Variants in SFRP2 observed in about 807,000 individuals in gnomAD.
SFRP2 encodes the protein secreted frizzled related protein 2, also known as secreted frizzled-related protein 2.
A neutral mutation model predicts 26.0 loss-of-function variants in SFRP2; 16 were observed. That is an observed-to-expected ratio of 0.61 (90% CI 0.42 to 0.93). The LOEUF is 0.93. Among genes scored for constraint, SFRP2 ranks in the 40% least tolerant of loss-of-function variants. SFRP2 has a pLI of 0.00. For synonymous variants in SFRP2, 173 were observed against 167.3 expected (o/e 1.03, Z -0.26); for missense variants, 343 against 392.4 (o/e 0.87, Z 1.06).
chr4:153,789,015 G>T lies in SFRP2; in HGVS notation c.-180C>A. 1.5e-6 allele frequency: 1 copy of T among 673,608 alleles called. No individual in the cohort carries two copies. The highest frequency in any genetic ancestry group is 1.9e-5 in the African/African-American group (1 of 51,654). 41.7% of individuals were successfully genotyped at this position (673,608 alleles called of 1,614,324 possible). On this transcript the variant is annotated 5_prime_UTR_variant, in exon 1 of 3. Transcript: ENST00000274063. ...ACACCGGGAGGACAGCGCGGGCGAG[G>T]CGCTGCAAGCCCGCGCGCAGCTCCG...
chr4:153,785,380 G>C (rs573892780), intron 2 of SFRP2, among the ~76,000 whole-genome samples: 1 of 151,782 alleles, frequency 6.6e-6, no homozygotes, highest in Non-Finnish European at 1.5e-5. Context: ...TTCACTAATG[G>C]TAGAACACAG....
rs1202416094 is a variant in SFRP2, at chr4:153,780,789, T to C, written c.*662A>G. ...AGGCTTAAAGTACTCAAGTCAATTA[T>C]AAAATTTATATCTTTTGCCTTTTAC... is the stretch of plus-strand genomic sequence containing the variant. On this transcript the variant is annotated 3_prime_UTR_variant, in exon 3 of 3. Coordinates refer to ENST00000274063, the MANE Select transcript of SFRP2 (RefSeq NM_003013.3). 1 of 152,620 alleles carries C rather than the reference T, an allele frequency of 6.6e-6. No individual in the cohort carries two copies. The highest frequency in any genetic ancestry group is 1.5e-5 in the Non-Finnish European group (1 of 68,048). 9.5% of individuals were successfully genotyped at this position (152,620 alleles called of 1,614,324 possible).
intron 2 of SFRP2, among the ~76,000 whole-genome samples, chr4:153,784,759 G>T (rs959112192): frequency 6.6e-6 from 1 of 152,246 alleles, no homozygotes; most frequent in African/African-American, 2.4e-5. Flanking sequence ...TTGATTGACA[G>T]AGCAGGGAAC....
rs1741255273 is a variant in SFRP2 at position 153,788,593 on chromosome 4, C to A, written c.243G>T (p.Pro81=). ...EVLEQAGAWI[P]LVMKQCHPDT... is the part of the protein sequence containing the mutation. ...CCGGGTGGCACTGCTTCATGACCAG[C>A]GGGATCCAAGCGCCGGCCTGCTCCA... The change falls in exon 1 of 3, where the codon CCG becomes CCT. Residue 81 remains proline (P), a synonymous_variant. Coordinates refer to ENST00000274063, the MANE Select transcript of SFRP2 (RefSeq NM_003013.3). 1 of 1,614,156 alleles carries A rather than the reference C, an allele frequency of 6.2e-7. No homozygotes were observed. The highest frequency in any genetic ancestry group is 8.5e-7 in the Non-Finnish European group (1 of 1,180,022).
Position 153,780,700 on chromosome 4 carries a change from G to A in SFRP2, c.*751C>T, listed in dbSNP as rs1240891501. 6.6e-6 allele frequency: 1 copy of A among 152,668 alleles called. No individual in the cohort carries two copies. The highest frequency in any genetic ancestry group is 2.4e-5 in the African/African-American group (1 of 41,458). 9.5% of individuals were successfully genotyped at this position (152,668 alleles called of 1,614,324 possible). A position where few individuals can be genotyped will look rare whatever the true frequency, so the allele number is the denominator to read the frequency against. On this transcript the variant is annotated 3_prime_UTR_variant, in exon 3 of 3. Transcript: ENST00000274063. ...ACAACTTTTAAAGGTAAACTACTAT[G>A]TATATTACAGGTAAGCTACAATGGG...
In SFRP2 at chr4:153,788,496, A is replaced by G; in HGVS notation, c.340T>C (p.Cys114Arg). 3 of 1,614,196 alleles carry G rather than the reference A, an allele frequency of 1.9e-6. No individual in the cohort carries two copies. Among genetic ancestry groups the G allele is most frequent in the Non-Finnish European group, 1.7e-6 (2 of 1,180,030 alleles). Residue 114 changes from cysteine to arginine, a missense_variant, in exon 1 of 3, where the codon TGC (cysteine) becomes CGC (arginine). Physicochemically the swap from Cys to Arg is radical, Grantham distance 180. Around this residue, in one of 2 missense-constraint regions of SFRP2, gnomAD observed 251 missense variants for 253.3 expected, o/e 0.99. Transcript: ENST00000274063. ...LDDLDETIQP[C>R]HSLCVQVKDR... Reference sequence around the variant, plus strand: ...TTCACCTGCACGCAGAGCGAGTGGCATGGCTGGATGGTCTCGTCTAGGTCA... The same window carrying G: ...TTCACCTGCACGCAGAGCGAGTGGCGTGGCTGGATGGTCTCGTCTAGGTCA...
chr4:153,781,811 C>T lies in SFRP2; in HGVS notation c.584-56G>A, dbSNP rs143831532. 919 of 1,461,542 alleles carry T rather than the reference C, an allele frequency of 6.3e-4. 10 individuals carry two copies. The East Asian group carries it at 0.018, about 29-fold the overall frequency. The allele number at this position is 1,461,542 out of a possible 1,614,324, so 90.5% of individuals were successfully genotyped here. On this transcript the variant is annotated intron_variant, in intron 2 of 2. Transcript: ENST00000274063. ...GTTATAATGAGGGAATACAGTATAC[C>T]TCCCCCCATTCTGCCAACTCGTGTG...
chr4:153,785,287 A>T (rs770335322), intron 2 of SFRP2, among the ~76,000 whole-genome samples: 5 of 152,142 alleles, frequency 3.3e-5, no homozygotes, highest in Admixed American at 1.3e-4. Context: ...GTTCCATGTT[A>T]GGTGTCTTCT....
In SFRP2 at chr4:153,788,791, C is replaced by T. The variant is rs776095519; in HGVS notation, c.45G>A (p.Ser15=). ...PGSLLLLFLA[S]HCCLGSARGL... Reference sequence around the variant, plus strand: ...CGCGCGCCGAGCCCAGGCAGCAGTGCGAGGCGAGGAAGAGCAGCAGCAGCG... The same window carrying T: ...CGCGCGCCGAGCCCAGGCAGCAGTGTGAGGCGAGGAAGAGCAGCAGCAGCG... Residue 15 remains serine (S), a synonymous_variant, in exon 1 of 3, where the codon TCG becomes TCA. Coordinates refer to ENST00000274063, the MANE Select transcript of SFRP2 (RefSeq NM_003013.3). 17 of 1,607,572 alleles carry T rather than the reference C, an allele frequency of 1.1e-5. No homozygotes were observed. Among genetic ancestry groups the T allele is most frequent in the Non-Finnish European group, 1.4e-5 (16 of 1,179,688 alleles).
chr4:153,786,076 T>A (rs1459445067), intron 1 of SFRP2, 132 bp from the exon 2 acceptor site: 6 of 499,538 alleles, frequency 1.2e-5, no homozygotes, highest in African/African-American at 1.0e-4. Context: ...TTCTGCCTCC[T>A]CTATAAAAGC....
intron 1 of SFRP2, among the ~76,000 whole-genome samples, chr4:153,787,399 C>T (rs2127184249): frequency 6.6e-6 from 1 of 152,340 alleles, no homozygotes; most frequent in Non-Finnish European, 1.5e-5. Flanking sequence ...TGTAGGAAAA[C>T]TACTAGAGAT....
rs141029820 is a variant in SFRP2, at chr4:153,788,350, C to T, written c.486G>A (p.Leu162=). The change falls in exon 1 of 3, where the codon CTG becomes CTA. Residue 162 remains leucine (L), a synonymous_variant. Transcript: ENST00000274063. ...CIPLASSDHL[L]PATEEAPKVC... The stretch of plus-strand genomic sequence containing the variant: ...AAGGCTTACCTTCCTCGGTGGCTGG[C>T]AGGAGGTGGTCGCTGCTAGCGAGGG... The T allele has an allele frequency of 3.1e-6, 5 of 1,610,446 alleles. No individual in the cohort carries two copies. The highest frequency in any genetic ancestry group is 2.7e-5 in the African/African-American group (2 of 74,882).
At chr4:153,786,952 T>C (rs1157986497) in intron 1 of SFRP2, among the ~76,000 whole-genome samples, 6 of 152,150 alleles carry the variant, frequency 3.9e-5, no homozygotes, top group Admixed American at 6.5e-5. Flanking sequence ...AGATTTTCAC[T>C]AATGTGAAAT....
chr4:153,782,870 G>T (rs960261689), intron 2 of SFRP2, among the ~76,000 whole-genome samples: 2 of 152,056 alleles, frequency 1.3e-5, no homozygotes, highest in South Asian at 4.1e-4. Context: ...CAGCTATTCT[G>T]TATAGATGAT....
At chr4:153,782,731 G>A (rs576462577) in intron 2 of SFRP2, among the ~76,000 whole-genome samples, 1 of 152,316 alleles carries the variant, frequency 6.6e-6, no homozygotes, top group South Asian at 2.1e-4. Context: ...TTGTTTGCTA[G>A]AACTCCAGTT....
At chr4:153,783,790 G>A (rs917310165) in intron 2 of SFRP2, among the ~76,000 whole-genome samples, 1 of 152,184 alleles carries the variant, frequency 6.6e-6, no homozygotes, top group Non-Finnish European at 1.5e-5. Flanking sequence ...AAGAACAGAG[G>A]CAAGATGGAA....
intron 1 of SFRP2, among the ~76,000 whole-genome samples, chr4:153,787,915 G>C (rs1215886496): frequency 6.6e-6 from 1 of 152,230 alleles, no homozygotes; most frequent in Non-Finnish European, 1.5e-5. Flanking sequence ...GGCTGAGCGA[G>C]GGGCCTCTGG....
chr4:153,788,721 T>G lies in SFRP2; in HGVS notation c.115A>C (p.Asn39His), dbSNP rs1211825906. Residue 39 changes from asparagine to histidine, a missense_variant, in exon 1 of 3, where the codon AAT becomes CAT. Physicochemically the swap from Asn to His is moderately conservative, Grantham distance 68. Around this residue, in one of 2 missense-constraint regions of SFRP2, gnomAD observed 251 missense variants for 253.3 expected, o/e 0.99. Transcript: ENST00000274063. Reference protein sequence around the residue: ...GQPDFSYKRSNCKPIPANLQL... With the variant: ...GQPDFSYKRSHCKPIPANLQL... Reference sequence around the variant, plus strand: ...AGGTTGGCAGGGATGGGCTTGCAATTGCTGCGCTTGTAGGAGAAGTCGGGC... The same window carrying G: ...AGGTTGGCAGGGATGGGCTTGCAATGGCTGCGCTTGTAGGAGAAGTCGGGC... The G allele has an allele frequency of 6.2e-7, 1 of 1,613,834 alleles. No homozygotes were observed. Among genetic ancestry groups the G allele is most frequent in the Admixed American group, 1.7e-5 (1 of 60,018 alleles).
Position 153,788,998 on chromosome 4 carries a change from A to G in SFRP2, c.-163T>C, listed in dbSNP as rs1321738581. Reference sequence around the variant, plus strand: ...GGGCGCGGAGAAGCGGGACACCGGGAGGACAGCGCGGGCGAGGCGCTGCAA... The same window carrying G: ...GGGCGCGGAGAAGCGGGACACCGGGGGGACAGCGCGGGCGAGGCGCTGCAA... On this transcript the variant is annotated 5_prime_UTR_variant, in exon 1 of 3. Transcript: ENST00000274063. 1.4e-6 allele frequency: 1 copy of G among 721,806 alleles called. No individual in the cohort carries two copies. Among genetic ancestry groups the G allele is most frequent in the East Asian group, 3.8e-5 (1 of 26,218 alleles). The allele number at this position is 721,806 out of a possible 1,614,324, so 44.7% of individuals were successfully genotyped here. A position where few individuals can be genotyped will look rare whatever the true frequency, so the allele number is the denominator to read the frequency against.
Sources: gnomAD v4.1 joint callset for allele counts (sites outside exome capture counted in the v4.1 genomes callset) on GRCh38, gnomAD v4.1.1 for gene constraint, gnomAD v4.1.1 regional missense constraint, MANE v1.5 for transcripts, NCBI Gene and HGNC (gene_info 2026-07-23, HGNC 2026-07-21) for gene names.